ERC2: variants seen among roughly 807,000 people sequenced by gnomAD.
The protein encoded by ERC2 is ELKS/RAB6-interacting/CAST family member 2.
Under a neutral mutation model 114.8 loss-of-function variants are expected in ERC2, and 42 were observed. The ratio of observed to expected loss-of-function variants is 0.37; its 90% CI spans 0.29 to 0.47. The LOEUF is 0.47. ERC2 is among the 20% of genes least tolerant of loss of function. The pLI is 0.99. For missense variants in ERC2, 939 were observed against 1,150.7 expected (o/e 0.82, Z 2.66); for synonymous variants, 454 against 425.5 (o/e 1.07, Z -0.82).
chr3:55,589,574 C>A (rs2057771904), intron 17 of ERC2, among the ~76,000 whole-genome samples: 1 of 152,134 alleles, frequency 6.6e-6, no homozygotes, highest in African/African-American at 2.4e-5. Context: ...AAACCACCAC[C>A]ACCTGAGGCC....
intron 3 of ERC2, among the ~76,000 whole-genome samples, chr3:56,251,234 C>T (rs537565355): frequency 4.6e-5 from 7 of 152,288 alleles, no homozygotes; most frequent in African/African-American, 1.2e-4. Context: ...ACCCAAATGT[C>T]CAGTTAAATT....
intron 13 of ERC2, among the ~76,000 whole-genome samples, chr3:55,905,048 A>C (rs1278256502): frequency 6.6e-6 from 1 of 152,194 alleles, no homozygotes; most frequent in African/African-American, 2.4e-5. Context: ...AAAGGAGACA[A>C]ATCACCAAGC....
intron 3 of ERC2, among the ~76,000 whole-genome samples, chr3:56,205,294 C>T (rs529863384): frequency 3.3e-5 from 5 of 152,196 alleles, no homozygotes; most frequent in Admixed American, 1.3e-4. Flanking sequence ...TGTGACAATA[C>T]GTAAAATTGC....
intron 14 of ERC2, among the ~76,000 whole-genome samples, chr3:55,770,476 C>G (rs1182572246): frequency 1.3e-5 from 2 of 152,154 alleles, no homozygotes; most frequent in African/African-American, 4.8e-5. Flanking sequence ...CAGAAATCAA[C>G]TGGAACAGAG....
chr3:56,138,668 T>C (rs997889538), intron 6 of ERC2, among the ~76,000 whole-genome samples: 3 of 152,358 alleles, frequency 2.0e-5, no homozygotes, highest in Admixed American at 2.0e-4. Context: ...AGAGAGAGCA[T>C]GCATGTTGAT....
intron 2 of ERC2, among the ~76,000 whole-genome samples, chr3:56,327,631 A>T (rs879567616): frequency 8.5e-5 from 13 of 152,278 alleles, no homozygotes; most frequent in Admixed American, 8.5e-4. Context: ...AGCTGAGATC[A>T]TACCACTGCA....
chr3:56,363,825 G>GAAA (rs879906275), intron 2 of ERC2, among the ~76,000 whole-genome samples: 5 of 148,640 alleles, frequency 3.4e-5, no homozygotes, highest in African/African-American at 1.2e-4. Flanking sequence ...GAGAAAGGGA[G>GAAA]GGAGGGAGGG....
At chr3:55,917,307 C>T (rs2065156226) in intron 13 of ERC2, among the ~76,000 whole-genome samples, 1 of 152,098 alleles carries the variant, frequency 6.6e-6, no homozygotes, top group African/African-American at 2.4e-5. Context: ...AGCAACATTC[C>T]TTATAATGGC....
In ERC2 at chr3:56,024,108, A is replaced by G. The variant is rs563203199; in HGVS notation, c.1642-5077T>C. Among the ~76,000 whole-genome samples, 112 of 152,330 alleles carry G rather than the reference A, an allele frequency of 7.4e-4. 1 individual carries two copies. Among genetic ancestry groups the G allele is most frequent in the African/African-American group, 2.6e-3 (107 of 41,572 alleles). ...ATTTTGTATTACCCACACCTAGAGT[A>G]TCAGTTAATGTTATTAGCTAAAGCA... On this transcript the variant is annotated intron_variant, in intron 7 of 17. Transcript: ENST00000288221.
chr3:56,141,904 C>T (rs1025003966), intron 5 of ERC2, among the ~76,000 whole-genome samples: 32 of 152,096 alleles, frequency 2.1e-4, no homozygotes, highest in South Asian at 2.1e-4. Context: ...TTTTCCTATC[C>T]TATGCTGTCC....
intron 3 of ERC2, among the ~76,000 whole-genome samples, chr3:56,292,440 A>T (rs2055152186): frequency 6.6e-6 from 1 of 151,344 alleles, no homozygotes; most frequent in Non-Finnish European, 1.5e-5. Flanking sequence ...AAAAAAAAAA[A>T]ATAGCCAGGC....
chr3:56,270,180 A>AT (rs76284065), intron 3 of ERC2, among the ~76,000 whole-genome samples: 165 of 119,912 alleles, frequency 1.4e-3, no homozygotes, highest in African/African-American at 6.6e-3. Flanking sequence ...AAAAAAAAAA[A>AT]AGAAAGAAAA....
chr3:55,613,683 C>G (rs887000331), intron 17 of ERC2, among the ~76,000 whole-genome samples: 2 of 152,152 alleles, frequency 1.3e-5, no homozygotes, highest in African/African-American at 4.8e-5. Flanking sequence ...CTGACTAACT[C>G]AAGACGTGGC....
At chr3:55,589,215 C>T (rs373696576) in intron 17 of ERC2, among the ~76,000 whole-genome samples, 3 of 99,818 alleles carry the variant, frequency 3.0e-5, no homozygotes, top group African/African-American at 1.1e-4. Context: ...CAGTCACTAC[C>T]AAAAAAAAAA....
chr3:55,695,432 G>A (rs1203570059), intron 16 of ERC2, among the ~76,000 whole-genome samples: 1 of 152,162 alleles, frequency 6.6e-6, no homozygotes, highest in Non-Finnish European at 1.5e-5. Flanking sequence ...TTCTCTCTCA[G>A]GTAGGGGGCT....
intron 15 of ERC2, among the ~76,000 whole-genome samples, chr3:55,702,897 G>A (rs1057007371): frequency 6.6e-5 from 10 of 152,148 alleles, no homozygotes; most frequent in Admixed American, 5.9e-4. Context: ...ATAGCACTTA[G>A]GAACTCAGGG....
chr3:56,362,853 AGT>A (rs1278762229), intron 2 of ERC2, among the ~76,000 whole-genome samples: 1 of 152,194 alleles, frequency 6.6e-6, no homozygotes, highest in East Asian at 1.9e-4. Flanking sequence ...CTGTTATTGT[AGT>A]GTCTTTCTTG....
chr3:56,042,593 C>T (rs1457567975), intron 7 of ERC2, among the ~76,000 whole-genome samples: 1 of 152,112 alleles, frequency 6.6e-6, no homozygotes, highest in East Asian at 1.9e-4. Flanking sequence ...AGCCCAAATT[C>T]AAATGGACGG....
chr3:55,604,000 C>T (rs947263582), intron 17 of ERC2, among the ~76,000 whole-genome samples: 1 of 152,106 alleles, frequency 6.6e-6, no homozygotes, highest in African/African-American at 2.4e-5. Context: ...TCTCCGGCCA[C>T]GTTTATTCAG....
Sources: gnomAD v4.1 joint callset for allele counts (sites outside exome capture counted in the v4.1 genomes callset) on GRCh38, gnomAD v4.1.1 for gene constraint, MANE v1.5 for transcripts, NCBI Gene and HGNC (gene_info 2026-07-23, HGNC 2026-07-21) for gene names.